The following CIITA variants were observed in gnomAD, a reference collection of about 807,000 sequenced individuals.
CIITA encodes class II major histocompatibility complex transactivator.
A neutral mutation model predicts 115.1 loss-of-function variants in CIITA; 72 were observed. The observed-to-expected ratio is 0.63, with a 90% CI of 0.52 to 0.76. The LOEUF is 0.76. CIITA is among the 30% of genes least tolerant of loss of function. The pLI is 0.00. For missense variants in CIITA, 1,617 were observed against 1,463.8 expected (o/e 1.10, Z -1.71); for synonymous variants, 763 against 635.6 (o/e 1.20, Z -3.02).
At chr16:10,895,553 T>A in intron 2 of CIITA, 116 bp from the exon 3 acceptor site, 3 of 1,561,774 alleles carry the variant, frequency 1.9e-6, no homozygotes, top group Non-Finnish European at 1.8e-6. Flanking sequence ...CCCACGTCTG[T>A]GGGACGCTCT....
chr16:10,915,857 A>T (rs1339433152), intron 14 of CIITA, among the ~76,000 whole-genome samples: 1 of 152,180 alleles, frequency 6.6e-6, no homozygotes, highest in Non-Finnish European at 1.5e-5. Context: ...CTGCAGAAAG[A>T]AAAGCCCTCA....
At chr16:10,908,704 T>A (rs1417995704) in intron 11 of CIITA, 1 of 551,890 alleles carries the variant, frequency 1.8e-6, no homozygotes, top group Admixed American at 3.1e-5. Context: ...CTTGAGCATT[T>A]CAGCTTAATC....
chr16:10,881,296 A>G (rs982802200), intron 1 of CIITA, among the ~76,000 whole-genome samples: 2 of 150,336 alleles, frequency 1.3e-5, no homozygotes, highest in East Asian at 3.9e-4. Context: ...AGACTGTCTC[A>G]GGAAAAAAAA....
Position 10,918,519 on chromosome 16 carries a change from A to G in CIITA, c.3142A>G (p.Arg1048Gly). Residue 1048 changes from arginine to glycine, a missense_variant, in exon 16 of 20, where the codon AGG becomes GGG. By Grantham distance (125) the Arg-to-Gly change is moderately radical. Coordinates refer to ENST00000324288, the MANE Select transcript of CIITA (RefSeq NM_000246.4). ...ALPSLAASLL[R>G]LSLYNNCICD... ...GCCTTCGCTCGCTGCATCCCTGCTC[A>G]GGCTAAGGTGAGTGGGGCCCCGGAT... The G allele has an allele frequency of 6.2e-7, 1 of 1,614,088 alleles. No individual in the cohort carries two copies. Among genetic ancestry groups the G allele is most frequent in the South Asian group, 1.1e-5 (1 of 91,078 alleles).
At chr16:10,867,291 A>G (rs1032142373) in intron 1 of CIITA, among the ~76,000 whole-genome samples, 5 of 145,636 alleles carry the variant, frequency 3.4e-5, no homozygotes, top group Admixed American at 1.4e-4. Flanking sequence ...GGAGCCAGAG[A>G]AAAAGCTGAA....
At chr16:10,917,837 C>A (rs571690401) in intron 15 of CIITA, among the ~76,000 whole-genome samples, 2 of 152,344 alleles carry the variant, frequency 1.3e-5, no homozygotes, top group South Asian at 4.1e-4. Context: ...CTCCCCCTCA[C>A]AACCAAGGTC....
At chr16:10,888,369 C>T (rs541701944) in intron 1 of CIITA, 7 of 152,156 alleles carry the variant, frequency 4.6e-5, no homozygotes, top group Non-Finnish European at 1.0e-4. Flanking sequence ...GAAATTTCAC[C>T]CCAAAGCTCA....
intron 15 of CIITA, 26 bp from the exon 16 acceptor site, chr16:10,918,414 C>T (rs1442635768): frequency 1.2e-6 from 2 of 1,606,634 alleles, no homozygotes; most frequent in Non-Finnish European, 1.7e-6. Context: ...TGGTCCTGAG[C>T]CCTCCCCCTC....
At chr16:10,867,361 T>G (rs1384698086) in intron 1 of CIITA, among the ~76,000 whole-genome samples, 1 of 150,570 alleles carries the variant, frequency 6.6e-6, no homozygotes. Flanking sequence ...CATTTGCTTG[T>G]GTGTGCATGT....
chr16:10,906,714 C>T lies in CIITA; in HGVS notation c.1222C>T (p.Arg408Trp), dbSNP rs145508828. 2.9e-5 allele frequency: 46 copies of T among 1,611,512 alleles called. No individual in the cohort carries two copies. The highest frequency in any genetic ancestry group is 2.5e-4 in the African/African-American group (19 of 74,936). Reference sequence around the variant, plus strand: ...GGTGCTGTTGGCTGCCAAGGAGCACCGGCGGCCGCGTGAGACACGAGTGAT... The same window carrying T: ...GGTGCTGTTGGCTGCCAAGGAGCACTGGCGGCCGCGTGAGACACGAGTGAT... ...AEVLLAAKEHRRPRETRVIAV... is the reference protein window; with the variant it reads ...AEVLLAAKEHWRPRETRVIAV... The change falls in exon 11 of 20, where the codon CGG becomes TGG. Residue 408 changes from arginine to tryptophan, a missense_variant. By Grantham distance (101) the Arg-to-Trp change is moderately radical. Coordinates refer to ENST00000324288, the MANE Select transcript of CIITA (RefSeq NM_000246.4).
At position 10,934,728 on chromosome 16, in the gene CIITA, C is replaced by T. The variant is rs1473235564; in HGVS notation, c.*10873C>T. On this transcript the variant is annotated 3_prime_UTR_variant, in exon 20 of 20. Transcript: ENST00000324288. This position sits in a 1 kb window ranked among gnomAD's most constrained non-coding sequence, Gnocchi z 4.2. ...GGGAGAGGCAGTTATTTTTAACCAC[C>T]CAGCCAAGCCCCTTGCCAGGAGGGA... 1.3e-5 allele frequency: 2 copies of T among 152,192 alleles called. No homozygotes were observed. The highest frequency in any genetic ancestry group is 2.9e-5 in the Non-Finnish European group (2 of 68,046). The allele number at this position is 152,192 out of a possible 1,614,324, so 9.4% of individuals were successfully genotyped here. A position where few individuals can be genotyped will look rare whatever the true frequency, so the allele number is the denominator to read the frequency against.
Position 10,906,807 on chromosome 16 carries a change from T to C in CIITA, c.1315T>C (p.Cys439Arg). The C allele has an allele frequency of 1.2e-6, 2 of 1,612,538 alleles. No individual in the cohort carries two copies. Among genetic ancestry groups the C allele is most frequent in the Non-Finnish European group, 1.7e-6 (2 of 1,180,016 alleles). Residue 439 changes from cysteine to arginine, a missense_variant, in exon 11 of 20, where the codon TGT becomes CGT. Transcript: ENST00000324288. ...TGGGGCAGTGAGCCGGGCCTGGGCT[T>C]GTGGCCGGCTTCCCCAGTACGACTT... ...WAGAVSRAWACGRLPQYDFVF... is the reference protein window; with the variant it reads ...WAGAVSRAWARGRLPQYDFVF...
At chr16:10,883,919 T>C (rs1210623721) in intron 1 of CIITA, among the ~76,000 whole-genome samples, 2 of 152,176 alleles carry the variant, frequency 1.3e-5, no homozygotes, top group African/African-American at 4.8e-5. Context: ...CGTCCTCCCA[T>C]ACAGGCATAG....
In CIITA at chr16:10,923,256, G is replaced by T. The variant is rs1283110743; in HGVS notation, c.3346G>T (p.Val1116Phe). The T allele has an allele frequency of 6.2e-7, 1 of 1,613,448 alleles. No individual in the cohort carries two copies. The part of the protein sequence containing the change: ...AMWTPTIPFS[V>F]QEHLQQQDSR... ...GTGGACGCCCACCATCCCATTCAGT[G>T]TCCAGGAACACCTGCAACAACAGGA... The change falls in exon 19 of 20, where the codon GTC becomes TTC. Residue 1116 changes from valine (V) to phenylalanine (F), a missense_variant. Val to Phe is a conservative substitution (Grantham distance 50, BLOSUM62 -1). Coordinates refer to ENST00000324288, the MANE Select transcript of CIITA (RefSeq NM_000246.4). The surrounding 1 kb of genome is among the most constrained non-coding windows in gnomAD (Gnocchi z 5.2).
chr16:10,889,669 G>A (rs1388315072), intron 1 of CIITA, among the ~76,000 whole-genome samples: 1 of 151,946 alleles, frequency 6.6e-6, no homozygotes, highest in African/African-American at 2.4e-5. Context: ...ACAGAAGCAC[G>A]CCACCATGCC....
At position 10,880,000 on chromosome 16, in the gene CIITA, C is replaced by T. The variant is rs1017418076; in HGVS notation, c.52+2618C>T. Among the ~76,000 whole-genome samples, 5 of 152,186 alleles carry T rather than the reference C, an allele frequency of 3.3e-5. No individual in the cohort carries two copies. Among genetic ancestry groups the T allele is most frequent in the Admixed American group, 1.3e-4 (2 of 15,278 alleles). On this transcript the variant is annotated intron_variant, in intron 1 of 19. Coordinates refer to ENST00000324288, the MANE Select transcript of CIITA (RefSeq NM_000246.4). The surrounding 1 kb of genome is among the most constrained non-coding windows in gnomAD (Gnocchi z 4.3). ...TGGCAGGAAGTCTTCCGTTTCTGCT[C>T]CCCACTCCAGAGAAAAAATAAATAA...
At chr16:10,884,875 A>G (rs2036776056) in intron 1 of CIITA, among the ~76,000 whole-genome samples, 1 of 151,912 alleles carries the variant, frequency 6.6e-6, no homozygotes, top group Non-Finnish European at 1.5e-5. Flanking sequence ...CTCTGTAGAA[A>G]AAGACCCTAC....
At chr16:10,889,410 C>G (rs950176053) in intron 1 of CIITA, among the ~76,000 whole-genome samples, 7 of 152,160 alleles carry the variant, frequency 4.6e-5, no homozygotes, top group Non-Finnish European at 7.4e-5. Context: ...CTTTGACACC[C>G]TCTAATGTAA....
In CIITA at chr16:10,941,657, C is replaced by A. The variant is rs2041104052; in HGVS notation, n.783C>A. 2 of 1,541,908 alleles carry A rather than the reference C, an allele frequency of 1.3e-6. No individual in the cohort carries two copies. The highest frequency in any genetic ancestry group is 1.3e-5 in the South Asian group (1 of 79,406). On this transcript the variant is annotated non_coding_transcript_exon_variant, in exon 2 of 2. Transcript: ENST00000573379. This position sits in a 1 kb window ranked among gnomAD's most constrained non-coding sequence, Gnocchi z 6.4. The stretch of plus-strand genomic sequence containing the variant: ...ACCAGCTGCGGCGGCATGATCTGGG[C>A]GGCTGGTCCAGGGCATGGGTTGCGG...
Sources: gnomAD v4.1 joint callset for allele counts (sites outside exome capture counted in the v4.1 genomes callset) on GRCh38, gnomAD v4.1.1 for gene constraint, Gnocchi (gnomAD v3.1) non-coding constraint, MANE v1.5 for transcripts, NCBI Gene and HGNC (gene_info 2026-07-23, HGNC 2026-07-21) for gene names.